C2CD3: variants seen among roughly 807,000 people sequenced by gnomAD.
The protein encoded by C2CD3 is C2 domain containing 3 centriole elongation regulator.
A neutral mutation model predicts 234.0 loss-of-function variants in C2CD3; 148 were observed. The ratio of observed to expected loss-of-function variants is 0.63; its 90% CI spans 0.55 to 0.72. C2CD3 has a LOEUF of 0.72. C2CD3 is among the 30% of genes least tolerant of loss of function. The pLI is 0.00. For synonymous variants in C2CD3, 1,000 were observed against 1,035.4 expected, an observed-to-expected ratio of 0.97 and a Z score of 0.66; for missense variants, 2,577 against 2,811.5, an observed-to-expected ratio of 0.92 and a Z score of 1.89.
chr11:74,073,198 GAAATCCAATTATATTTACAT>G (rs1438289731), intron 24 of C2CD3, among the ~76,000 whole-genome samples: 1 of 152,174 alleles, frequency 6.6e-6, no homozygotes, highest in Non-Finnish European at 1.5e-5. Context: ...GGATTACAGA[GAAATCCAATTATATTTACAT>G]AGAGTTATCA....
chr11:74,027,005 G>C (rs1221205633), intron 32 of C2CD3, among the ~76,000 whole-genome samples: 2 of 151,932 alleles, frequency 1.3e-5, no homozygotes, highest in Admixed American at 1.3e-4. Flanking sequence ...TTACTGGTTG[G>C]GTGACCCTGG....
At chr11:74,128,854 G>C in intron 7 of C2CD3, 2 of 254,756 alleles carry the variant, frequency 7.9e-6, no homozygotes, top group Non-Finnish European at 7.5e-6. Context: ...GAGAGCACAG[G>C]GTTGGGGATA....
At chr11:74,103,048 G>A (rs1446219253) in intron 14 of C2CD3, 83 bp downstream of exon 14, 2 of 1,365,102 alleles carry the variant, frequency 1.5e-6, no homozygotes, top group East Asian at 4.6e-5. Context: ...GAACATTCTA[G>A]ATTTAAGACG....
At chr11:74,033,025 T>C (rs1591293281) in intron 31 of C2CD3, among the ~76,000 whole-genome samples, 1 of 152,208 alleles carries the variant, frequency 6.6e-6, no homozygotes, top group East Asian at 1.9e-4. Flanking sequence ...GACCCTCTGC[T>C]TCTCTTTCAA....
rs1957746579 is a variant in C2CD3 at position 74,133,452 on chromosome 11, T to C, written c.1061A>G (p.Asn354Ser). Reference sequence around the variant, plus strand: ...TGTTGATGCTCTAAGAGAATCTTCATTAATAGGAGGATGAACTTGGTCCAA... The same window carrying C: ...TGTTGATGCTCTAAGAGAATCTTCACTAATAGGAGGATGAACTTGGTCCAA... ...MLLDQVHPPINEDSLRASTQI... is the reference protein window; with the variant it reads ...MLLDQVHPPISEDSLRASTQI... The change falls in exon 6 of 33, where the codon AAT (asparagine) becomes AGT (serine). Residue 354 changes from asparagine (N) to serine (S), a missense_variant. Physicochemically the swap from Asn to Ser is conservative, Grantham distance 46 (BLOSUM62 1). Transcript: ENST00000334126. 6.2e-7 allele frequency: 1 copy of C among 1,613,700 alleles called. No individual in the cohort carries two copies. Among genetic ancestry groups the C allele is most frequent in the South Asian group, 1.1e-5 (1 of 91,066 alleles).
intron 23 of C2CD3, among the ~76,000 whole-genome samples, chr11:74,077,535 A>C (rs914518711): frequency 1.3e-5 from 2 of 151,722 alleles, no homozygotes; most frequent in African/African-American, 2.4e-5. Flanking sequence ...AAGAACAGAA[A>C]ACCAAACACC....
intron 32 of C2CD3, among the ~76,000 whole-genome samples, chr11:74,023,011 A>G (rs1031476621): frequency 6.6e-6 from 1 of 152,240 alleles, no homozygotes; most frequent in Non-Finnish European, 1.5e-5. Flanking sequence ...TTGACAGATG[A>G]GAAAGCAGAC....
In C2CD3 at chr11:74,114,700, A is replaced by AT. The variant is rs981521929; in HGVS notation, c.1521-108dup. On this transcript the variant is annotated intron_variant, in intron 9 of 32. Transcript: ENST00000334126. The stretch of plus-strand genomic sequence containing the variant: ...GAAAAAGGGAGGGCAGCAAGTTTTT[A>AT]TTTTTTTATTTTTATTTTTGACACA... The AT allele has an allele frequency of 8.3e-6, 6 of 725,354 alleles. No individual in the cohort carries two copies. In the African/African-American group the frequency reaches 8.9e-5, roughly 11 times the overall value. 44.9% of individuals were successfully genotyped at this position (725,354 alleles called of 1,614,324 possible).
chr11:74,037,740 T>C (rs2135417159), intron 29 of C2CD3, 42 bp from the exon 30 acceptor site: 1 of 1,461,578 alleles, frequency 6.8e-7, no homozygotes. Context: ...GGGTAATTCA[T>C]GGAGATTATG....
chr11:74,105,496 C>T (rs1956483467), intron 13 of C2CD3, among the ~76,000 whole-genome samples: 1 of 152,134 alleles, frequency 6.6e-6, no homozygotes, highest in Non-Finnish European at 1.5e-5. Flanking sequence ...GTCTAGAACT[C>T]CTGAGCTCCG....
intron 31 of C2CD3, among the ~76,000 whole-genome samples, chr11:74,031,545 T>A (rs1041170366): frequency 6.6e-6 from 1 of 152,220 alleles, no homozygotes; most frequent in Non-Finnish European, 1.5e-5. Context: ...AGCTCCCTCC[T>A]CATGGTCCCT....
At position 74,128,841 on chromosome 11, in the gene C2CD3, T is replaced by A. The variant is rs2135530962; in HGVS notation, c.1217+4003A>T. The A allele has an allele frequency of 1.3e-5, 3 of 236,590 alleles. No homozygotes were observed. The South Asian group carries it at 1.4e-4, about 11-fold the overall frequency. 14.7% of individuals were successfully genotyped at this position (236,590 alleles called of 1,614,324 possible). ...ACCCTGAGTGGACACAGCACATGTT[T>A]CAGAGAGCACAGGGTTGGGGATAAG... On this transcript the variant is annotated intron_variant, in intron 7 of 32. Transcript: ENST00000334126.
At chr11:74,119,107 G>C (rs1347507997) in intron 8 of C2CD3, among the ~76,000 whole-genome samples, 1 of 151,670 alleles carries the variant, frequency 6.6e-6, no homozygotes, top group Non-Finnish European at 1.5e-5. Context: ...AGGAAGTTTG[G>C]CCATGTTGCT....
chr11:74,134,373 C>T (rs914926976), intron 5 of C2CD3, among the ~76,000 whole-genome samples: 1 of 152,114 alleles, frequency 6.6e-6, no homozygotes, highest in African/African-American at 2.4e-5. Context: ...CAGCATGTGC[C>T]CATGGTCCCA....
rs1312383807 is a variant in C2CD3, at chr11:74,139,726, T to A, written c.586A>T (p.Arg196Ter). The A allele has an allele frequency of 1.2e-6, 2 of 1,613,426 alleles. No individual in the cohort carries two copies. The highest frequency in any genetic ancestry group is 2.7e-5 in the African/African-American group (2 of 74,918). ...GTACTGCTGGGTTCAGTATTCTCTC[T>A]GAATCCCTGCTTAGATAAAAGCACA... Reference protein sequence around the residue: ...ENVLLSKQGFRENTEPSSTQF... With the variant: ...ENVLLSKQGF Residue 196 changes from arginine to a stop codon, truncating the protein, a stop_gained, in exon 4 of 33, where the codon AGA becomes TGA. Coordinates refer to ENST00000334126, the MANE Select transcript of C2CD3 (RefSeq NM_001286577.2). LOFTEE classifies it high-confidence loss of function.
intron 9 of C2CD3, 84 bp from the exon 10 acceptor site, chr11:74,114,677 A>C (rs1478361115): frequency 1.6e-5 from 14 of 866,238 alleles, no homozygotes; most frequent in Non-Finnish European, 2.7e-5. Flanking sequence ...AAGATGAGGA[A>C]AAAGGGAGGG....
At chr11:74,015,004 G>C (rs1163972460) in intron 32 of C2CD3, among the ~76,000 whole-genome samples, 1 of 152,266 alleles carries the variant, frequency 6.6e-6, no homozygotes, top group Non-Finnish European at 1.5e-5. Context: ...GGCAGGTCTA[G>C]GCTAGAAGGG....
chr11:74,086,238 T>C (rs953922995), intron 20 of C2CD3, among the ~76,000 whole-genome samples: 6 of 152,220 alleles, frequency 3.9e-5, no homozygotes, highest in East Asian at 3.9e-4. Context: ...TGGGGAACCA[T>C]AGTACATCTC....
chr11:74,128,655 C>T (rs1308716161), intron 7 of C2CD3: 1 of 151,624 alleles, frequency 6.6e-6, no homozygotes, highest in Non-Finnish European at 1.5e-5. Context: ...AACAAGTGAA[C>T]AAAGGTCTCT....
Sources: gnomAD v4.1 joint callset for allele counts (sites outside exome capture counted in the v4.1 genomes callset) on GRCh38, gnomAD v4.1.1 for gene constraint, MANE v1.5 for transcripts, NCBI Gene and HGNC (gene_info 2026-07-23, HGNC 2026-07-21) for gene names.